PRSS23: variants seen among roughly 807,000 people sequenced by gnomAD.
The protein encoded by PRSS23 is protease, serine 23.
PRSS23 carries 25 observed loss-of-function variants against 34.7 expected under a neutral mutation model. The observed-to-expected ratio is 0.72, with a 90% confidence interval of 0.53 to 1.01. The LOEUF (loss-of-function observed/expected upper bound fraction) is 1.01. Among genes scored for constraint, PRSS23 ranks in the 50% least tolerant of loss-of-function variants. The probability of loss-of-function intolerance (pLI) is 0.00; values close to 1 mark genes in which losing one functional copy is unlikely to be tolerated. For synonymous variants in PRSS23, 176 were observed against 186.6 expected (o/e 0.94, Z 0.46); for missense variants, 445 against 475.6 (o/e 0.94, Z 0.60).
At chr11:86,888,117 T>A (rs117263715) in intron 2 of PRSS23, among the ~76,000 whole-genome samples, 25,611 of 98,748 alleles carry the variant, frequency 0.26, 2,571 homozygotes, top group Non-Finnish European at 0.32. Flanking sequence ...TGGTTTTTTT[T>A]AAAAAAAAAC....
At chr11:86,849,797 C>A (rs1332968633) in intron 2 of PRSS23, among the ~76,000 whole-genome samples, 1 of 152,152 alleles carries the variant, frequency 6.6e-6, no homozygotes. Flanking sequence ...CACTGTTCTG[C>A]ACCTCAAAGA....
At chr11:86,860,932 G>A (rs1948608708) in intron 2 of PRSS23, among the ~76,000 whole-genome samples, 1 of 151,798 alleles carries the variant, frequency 6.6e-6, no homozygotes, top group African/African-American at 2.4e-5. Context: ...CGTGGGGTGA[G>A]TATGATATTA....
chr11:86,818,944 T>A (rs981256580), intron 1 of PRSS23, among the ~76,000 whole-genome samples: 51 of 152,366 alleles, frequency 3.3e-4, no homozygotes, highest in African/African-American at 1.2e-3. Flanking sequence ...AACTCCTTAC[T>A]TTCTTCCCTC....
chr11:86,812,613 C>T (rs185155379), downstream of PRSS23, among the ~76,000 whole-genome samples: 21 of 151,406 alleles, frequency 1.4e-4, no homozygotes, highest in African/African-American at 3.4e-4. Context: ...CATGCTGAAA[C>T]CCCGTCACTA....
intron 2 of PRSS23, among the ~76,000 whole-genome samples, chr11:86,870,680 A>C (rs1473216906): frequency 6.6e-6 from 1 of 152,130 alleles, no homozygotes; most frequent in Non-Finnish European, 1.5e-5. Context: ...GATTCTGTTT[A>C]TTTATCAATC....
At chr11:86,944,371 C>T (rs190595309) in intron 2 of PRSS23, among the ~76,000 whole-genome samples, 3 of 152,060 alleles carry the variant, frequency 2.0e-5, no homozygotes, top group Admixed American at 6.6e-5. Context: ...AATAAGGTCA[C>T]GTTCACAGGT....
intron 1 of PRSS23, among the ~76,000 whole-genome samples, chr11:86,803,087 A>C (rs1023495244): frequency 6.6e-6 from 1 of 152,250 alleles, no homozygotes; most frequent in Admixed American, 6.5e-5. Context: ...GTTAGGTGAA[A>C]TGATGCACGG....
chr11:86,912,902 A>T (rs77889144), intron 2 of PRSS23, among the ~76,000 whole-genome samples: 3,364 of 152,280 alleles, frequency 0.022, 50 homozygotes, highest in Non-Finnish European at 0.033. Context: ...TTCATCCAAA[A>T]AGTGTTATTT....
chr11:86,851,357 T>G (rs2134918769), intron 2 of PRSS23, among the ~76,000 whole-genome samples: 1 of 152,292 alleles, frequency 6.6e-6, no homozygotes, highest in South Asian at 2.1e-4. Context: ...CCTGTGCCAG[T>G]TCTTTCTGGG....
At chr11:86,907,449 G>A (rs1477260065) in intron 2 of PRSS23, among the ~76,000 whole-genome samples, 1 of 150,794 alleles carries the variant, frequency 6.6e-6, no homozygotes, top group Non-Finnish European at 1.5e-5. Flanking sequence ...CACTTAACAT[G>A]AGATCTATCC....
At chr11:86,823,417 C>T (rs746338198) in exon 2 of PRSS23, 2 of 702,334 alleles carry the variant, frequency 2.8e-6, no homozygotes, top group Non-Finnish European at 5.2e-6. Flanking sequence ...TGTGCCAACC[C>T]TGGCCTAGTC....
At chr11:86,893,828 A>G (rs961769363) in intron 2 of PRSS23, among the ~76,000 whole-genome samples, 4 of 152,252 alleles carry the variant, frequency 2.6e-5, no homozygotes, top group African/African-American at 9.6e-5. Context: ...TGAAGGAACC[A>G]GTAAGATATT....
downstream of PRSS23, among the ~76,000 whole-genome samples, chr11:86,815,936 C>G (rs936097076): frequency 5.3e-5 from 8 of 152,202 alleles, no homozygotes; most frequent in South Asian, 1.7e-3. Context: ...CTCGCCCACA[C>G]CTGCCCAAGA....
At chr11:86,806,554 T>G (rs748800480) in intron 1 of PRSS23, among the ~76,000 whole-genome samples, 32 of 152,326 alleles carry the variant, frequency 2.1e-4, no homozygotes, top group South Asian at 4.1e-4. Context: ...ATACATTTGG[T>G]CCTCTATATT....
At chr11:86,913,337 A>G (rs1370361505) in intron 2 of PRSS23, among the ~76,000 whole-genome samples, 1 of 146,798 alleles carries the variant, frequency 6.8e-6, no homozygotes, top group Non-Finnish European at 1.5e-5. Context: ...TTTTGTCCAA[A>G]TGCTGGCTCT....
At chr11:86,834,076 TAAC>T (rs536124889) in intron 2 of PRSS23, among the ~76,000 whole-genome samples, 12 of 152,302 alleles carry the variant, frequency 7.9e-5, no homozygotes, top group Middle Eastern at 3.4e-3. Context: ...GAGACAAACT[TAAC>T]AAGGAGGTTA....
chr11:86,897,368 C>T (rs991714719), intron 2 of PRSS23, among the ~76,000 whole-genome samples: 2 of 151,378 alleles, frequency 1.3e-5, no homozygotes, highest in African/African-American at 2.4e-5. Context: ...CTACTCTCAA[C>T]GTGCTGGAAT....
chr11:86,911,718 C>T (rs1371172356), intron 2 of PRSS23: 2 of 152,038 alleles, frequency 1.3e-5, no homozygotes, highest in Admixed American at 6.6e-5. Context: ...ATAGAACCAA[C>T]AATATTGCTT....
At chr11:86,800,680 G>A in intron 1 of PRSS23, 29 bp downstream of exon 1, 2 of 979,562 alleles carry the variant, frequency 2.0e-6, no homozygotes, top group South Asian at 4.7e-5. Flanking sequence ...TGGGGCATCC[G>A]CCCGGGCGCG....
Sources: allele counts gnomAD v4.1 joint callset (sites outside exome capture counted in the v4.1 genomes callset), GRCh38; gene constraint gnomAD v4.1.1; transcripts MANE v1.5; gene names NCBI Gene and HGNC (gene_info 2026-07-23, HGNC 2026-07-21).